ATXN10: variants seen among roughly 807,000 people sequenced by gnomAD.
ATXN10 encodes the protein ataxin 10, also known as ataxin-10.
ATXN10 carries 28 observed loss-of-function variants against 52.9 expected under a neutral mutation model. The observed-to-expected ratio is 0.53, with a 90% CI of 0.39 to 0.73. The LOEUF (loss-of-function observed/expected upper bound fraction) is 0.73, where lower values mean the gene tolerates loss of function less well. Ranked by LOEUF, ATXN10 falls within the 30% of genes least tolerant of loss-of-function variation. The pLI is 0.00. For synonymous variants in ATXN10, 226 were observed against 221.5 expected, an observed-to-expected ratio of 1.02 and a Z score of -0.18; for missense variants, 565 against 577.0, an observed-to-expected ratio of 0.98 and a Z score of 0.21.
rs1928084952 is a variant in ATXN10 at position 45,805,923 on chromosome 22, G to A, written c.1174-1036G>A. On this transcript the variant is annotated intron_variant, in intron 9 of 11. Transcript: ENST00000252934. The surrounding 1 kb of genome is among the most constrained non-coding windows in gnomAD (Gnocchi z 4.4). ...CATGCCGATAATCCCAGTGCTTTGG[G>A]AGACCAAGGCAGGAGGATCACTTGA... 6.6e-6 allele frequency among the ~76,000 whole-genome samples: 1 copy of A among 152,228 alleles called. No individual in the cohort carries two copies. Among genetic ancestry groups the A allele is most frequent in the South Asian group, 2.1e-4 (1 of 4,830 alleles).
intron 9 of ATXN10, among the ~76,000 whole-genome samples, chr22:45,797,344 G>T (rs1927778476): frequency 6.6e-6 from 1 of 152,118 alleles, no homozygotes; most frequent in African/African-American, 2.4e-5. Flanking sequence ...AAATGTAGAA[G>T]AACTGAAAAC....
chr22:45,694,897 C>T (rs898505583), intron 3 of ATXN10, among the ~76,000 whole-genome samples: 10 of 136,856 alleles, frequency 7.3e-5, no homozygotes, highest in Non-Finnish European at 1.2e-4. Context: ...GCTGAGATCA[C>T]GCCGCTGCAC....
rs908637459 is a variant in ATXN10, at chr22:45,774,362, C to G, written c.1174-32597C>G. The stretch of plus-strand genomic sequence containing the variant: ...CCTGCATCGCTATTTTGGAGTGAGA[C>G]AGATAATGCAGACACAGTGTGCGAG... On this transcript the variant is annotated intron_variant, in intron 9 of 11. Coordinates refer to ENST00000252934, the MANE Select transcript of ATXN10 (RefSeq NM_013236.4). The surrounding 1 kb of genome is among the most constrained non-coding windows in gnomAD (Gnocchi z 6.2). 5.3e-5 allele frequency among the ~76,000 whole-genome samples: 8 copies of G among 152,230 alleles called. No homozygotes were observed. The highest frequency in any genetic ancestry group is 8.8e-5 in the Non-Finnish European group (6 of 68,046).
Position 45,672,164 on chromosome 22 carries a change from A to C in ATXN10, c.101A>C (p.Lys34Thr). 6.5e-7 allele frequency: 1 copy of C among 1,534,432 alleles called. No individual in the cohort carries two copies. Among genetic ancestry groups the C allele is most frequent in the Admixed American group, 2.0e-5 (1 of 50,642 alleles). ...CTGCGCGCGCTCACGGCGCTCTTCA[A>C]AGAGCAGCGGAACCGGTAACGGGTC... Reference protein sequence around the residue: ...EALRALTALFKEQRNRETAPR... With the variant: ...EALRALTALFTEQRNRETAPR... Residue 34 changes from lysine to threonine, a missense_variant, in exon 1 of 12, where the codon AAA becomes ACA. Physicochemically the swap from Lys to Thr is moderately conservative, Grantham distance 78. Transcript: ENST00000252934.
chr22:45,788,554 C>T (rs1049501748), intron 9 of ATXN10, among the ~76,000 whole-genome samples: 6 of 151,894 alleles, frequency 4.0e-5, no homozygotes, highest in East Asian at 1.9e-4. Context: ...TGGGCTTCTT[C>T]GTGCCGCTCT....
At chr22:45,777,125 T>C (rs1255503412) in intron 9 of ATXN10, among the ~76,000 whole-genome samples, 5 of 152,226 alleles carry the variant, frequency 3.3e-5, no homozygotes, top group African/African-American at 1.2e-4. Context: ...AACTTTGCCA[T>C]GTTACTCCTA....
chr22:45,796,682 T>C (rs977914243), intron 9 of ATXN10, among the ~76,000 whole-genome samples: 1 of 152,128 alleles, frequency 6.6e-6, no homozygotes, highest in Non-Finnish European at 1.5e-5. Flanking sequence ...GTTCCCCCGA[T>C]AGATGGGGTT....
chr22:45,779,261 A>G lies in ATXN10; in HGVS notation c.1174-27698A>G, dbSNP rs572189216. Among the ~76,000 whole-genome samples the G allele has an allele frequency of 4.0e-4, 61 of 152,276 alleles. 1 individual carries two copies. Among genetic ancestry groups the G allele is most frequent in the Middle Eastern group, 3.4e-3 (1 of 294 alleles). ...CCCTACTCATCTCGAGAAATTATCA[A>G]TTTCTTCAACTTCTTAATGAGGATA... On this transcript the variant is annotated intron_variant, in intron 9 of 11. Coordinates refer to ENST00000252934, the MANE Select transcript of ATXN10 (RefSeq NM_013236.4).
intron 9 of ATXN10, among the ~76,000 whole-genome samples, chr22:45,802,360 T>C (rs1384644975): frequency 6.6e-6 from 1 of 152,212 alleles, no homozygotes; most frequent in African/African-American, 2.4e-5. Flanking sequence ...AACTTAATTG[T>C]TTCTCTCCTG....
chr22:45,813,116 A>G (rs551760393), intron 10 of ATXN10, among the ~76,000 whole-genome samples: 4 of 152,064 alleles, frequency 2.6e-5, no homozygotes, highest in Admixed American at 2.0e-4. Context: ...CACTCGCCCA[A>G]CTCACTTTTG....
In ATXN10 at chr22:45,806,982, G is replaced by A. The variant is rs763950008; in HGVS notation, c.1197G>A (p.Pro399=). 16 of 1,613,862 alleles carry A rather than the reference G, an allele frequency of 9.9e-6. No individual in the cohort carries two copies. The highest frequency in any genetic ancestry group is 1.7e-4 in the Middle Eastern group (1 of 6,058). The part of the protein sequence containing the change: ...QDKVNELDGI[P]LILDNCNISD... ...AGGTAAATGAGCTGGATGGTATCCC[G>A]TTGATCCTGGACAACTGCAACATCA... Residue 399 remains proline (P), a synonymous_variant, in exon 10 of 12, where the codon CCG becomes CCA. Transcript: ENST00000252934.
In ATXN10 at chr22:45,712,599, C is replaced by T. The variant is rs150355397; in HGVS notation, c.648-5814C>T. On this transcript the variant is annotated intron_variant, in intron 5 of 11. Transcript: ENST00000252934. The surrounding 1 kb of genome is among the most constrained non-coding windows in gnomAD (Gnocchi z 4.6). ...TACACCCACTGCCTCCCTTAGAGGACGACATTAAAGGAAGGGTGGCTGGGA... is the reference window on the plus strand; with the variant it reads ...TACACCCACTGCCTCCCTTAGAGGATGACATTAAAGGAAGGGTGGCTGGGA... Among the ~76,000 whole-genome samples the T allele has an allele frequency of 5.7e-4, 87 of 152,162 alleles. 1 individual carries two copies. The East Asian group carries it at 0.014, about 24-fold the overall frequency.
At chr22:45,729,393 A>G (rs750697028) in intron 6 of ATXN10, 32 bp from the exon 7 acceptor site, 3 of 1,608,286 alleles carry the variant, frequency 1.9e-6, no homozygotes, top group South Asian at 2.2e-5. Context: ...TAAGTATTAT[A>G]GATTCATGCA....
intron 9 of ATXN10, among the ~76,000 whole-genome samples, chr22:45,791,067 C>T (rs936545020): frequency 9.9e-5 from 15 of 152,152 alleles, no homozygotes; most frequent in African/African-American, 3.6e-4. Context: ...CTATGTTGCC[C>T]AGGCTGGTCT....
intron 10 of ATXN10, among the ~76,000 whole-genome samples, chr22:45,829,334 G>A (rs556477237): frequency 4.6e-5 from 7 of 152,236 alleles, no homozygotes; most frequent in East Asian, 3.9e-4. Flanking sequence ...AGGCAAGGAC[G>A]TCCACTTTCA....
At chr22:45,792,579 C>A in intron 9 of ATXN10, 1 of 177,876 alleles carries the variant, frequency 5.6e-6, no homozygotes. Context: ...CCACAGCTGC[C>A]TTTCCTTTAG....
intron 7 of ATXN10, among the ~76,000 whole-genome samples, chr22:45,736,710 G>T (rs1293157230): frequency 1.3e-5 from 2 of 152,042 alleles, no homozygotes; most frequent in African/African-American, 4.8e-5. Flanking sequence ...ATGAAAATTC[G>T]TTCCAGAGGC....
chr22:45,742,107 G>A (rs780123333), intron 9 of ATXN10, among the ~76,000 whole-genome samples: 1 of 151,986 alleles, frequency 6.6e-6, no homozygotes, highest in Non-Finnish European at 1.5e-5. Flanking sequence ...TGAAGTCATT[G>A]TATTGAGATT....
At chr22:45,729,802 T>G in intron 7 of ATXN10, 1 of 620,920 alleles carries the variant, frequency 1.6e-6, no homozygotes, top group East Asian at 3.3e-5. Flanking sequence ...CAAATTCTGG[T>G]TAATTTTCTA....
Sources: allele counts gnomAD v4.1 joint callset (sites outside exome capture counted in the v4.1 genomes callset), GRCh38; gene constraint gnomAD v4.1.1; non-coding constraint Gnocchi (gnomAD v3.1); transcripts MANE v1.5; gene names NCBI Gene and HGNC (gene_info 2026-07-23, HGNC 2026-07-21).